Variants in EMCN observed in about 807,000 individuals in gnomAD.
The protein encoded by EMCN is endomucin.
In EMCN, 37 loss-of-function variants were observed where a neutral mutation model predicts 38.4. The observed-to-expected ratio is 0.96, with a 90% CI of 0.74 to 1.27. The LOEUF (loss-of-function observed/expected upper bound fraction) is 1.27, where lower values mean the gene tolerates loss of function less well. Ranked by LOEUF, EMCN falls within the 50% of genes most tolerant of loss-of-function variation. EMCN has a pLI of 0.00. For synonymous variants in EMCN, 95 were observed against 100.8 expected (o/e 0.94, Z 0.35); for missense variants, 318 against 302.8 (o/e 1.05, Z -0.37).
chr4:100,484,135 T>C (rs1375425668), intron 1 of EMCN, among the ~76,000 whole-genome samples: 1 of 152,172 alleles, frequency 6.6e-6, no homozygotes, highest in Non-Finnish European at 1.5e-5. Context: ...AAAATAACTA[T>C]TCTAATTATA....
rs567682288 is a variant in EMCN at position 100,447,717 on chromosome 4, C to G, written c.377-146G>C. 1.6e-5 allele frequency: 10 copies of G among 615,522 alleles called. No individual in the cohort carries two copies. The Admixed American group carries it at 2.1e-4, about 13-fold the overall frequency. 38.1% of individuals were successfully genotyped at this position (615,522 alleles called of 1,614,324 possible). On this transcript the variant is annotated intron_variant, in intron 4 of 11. Coordinates refer to ENST00000296420, the MANE Select transcript of EMCN (RefSeq NM_016242.4). ...TTCAAATCATAAAATCATGATTCTTCATGATTACAAGAAACTTCAGAGAAG... is the reference window on the plus strand; with the variant it reads ...TTCAAATCATAAAATCATGATTCTTGATGATTACAAGAAACTTCAGAGAAG...
At position 100,416,967 on chromosome 4, in the gene EMCN, T is replaced by A. The variant is rs1009494348; in HGVS notation, c.689+150A>T. The A allele has an allele frequency of 1.7e-5, 12 of 717,508 alleles. No individual in the cohort carries two copies. In the Admixed American group the frequency reaches 3.2e-4, roughly 19 times the overall value. The allele number at this position is 717,508 out of a possible 1,614,324, so 44.4% of individuals were successfully genotyped here. A position where few individuals can be genotyped will look rare whatever the true frequency, so the allele number is the denominator to read the frequency against. ...TGATCTTACATTTGGAATTTCTCTG[T>A]TAAATGGAGAGAGCTCTGACAAACA... On this transcript the variant is annotated intron_variant, in intron 9 of 11. Coordinates refer to ENST00000296420, the MANE Select transcript of EMCN (RefSeq NM_016242.4).
intron 1 of EMCN, among the ~76,000 whole-genome samples, chr4:100,508,160 C>T (rs1168110843): frequency 6.6e-6 from 1 of 152,140 alleles, no homozygotes; most frequent in East Asian, 1.9e-4. Context: ...TTAAACCACA[C>T]TCATTTTATA....
At chr4:100,515,859 C>A (rs1044368660) in intron 1 of EMCN, among the ~76,000 whole-genome samples, 29 of 152,022 alleles carry the variant, frequency 1.9e-4, no homozygotes, top group South Asian at 8.3e-4. Context: ...AACAAACAAA[C>A]AAAAAAACAG....
intron 4 of EMCN, among the ~76,000 whole-genome samples, chr4:100,462,888 T>C (rs1728218725): frequency 6.6e-6 from 1 of 152,156 alleles, no homozygotes; most frequent in Non-Finnish European, 1.5e-5. Flanking sequence ...ACAATTTATG[T>C]TTCTGAAGTT....
At chr4:100,449,916 C>A (rs1463311283) in intron 4 of EMCN, among the ~76,000 whole-genome samples, 1 of 151,598 alleles carries the variant, frequency 6.6e-6, no homozygotes, top group Non-Finnish European at 1.5e-5. Context: ...TTCCTTTTTT[C>A]CCTGAAATCA....
chr4:100,455,535 T>TG (rs1727987643), intron 4 of EMCN, among the ~76,000 whole-genome samples: 1 of 22,838 alleles, frequency 4.4e-5, no homozygotes, highest in Non-Finnish European at 7.8e-5. Context: ...CTTCCAGTAC[T>TG]AAAAAGTTGT....
chr4:100,400,066 G>A (rs75588722), intron 11 of EMCN, among the ~76,000 whole-genome samples: 4,057 of 152,152 alleles, frequency 0.027, 192 homozygotes, highest in African/African-American at 0.091. Flanking sequence ...GGCTTCCTGT[G>A]ATCTAGTACC....
At position 100,397,807 on chromosome 4, in the gene EMCN, AC is replaced by A. The variant is rs1726154404; in HGVS notation, c.*605del. On this transcript the variant is annotated 3_prime_UTR_variant, in exon 12 of 12. Coordinates refer to ENST00000296420, the MANE Select transcript of EMCN (RefSeq NM_016242.4). ...GGAAGACAATAACATTGCCATTTTC[AC>A]AGTCATGTTATAGTATTTTTAGAGT... is the stretch of plus-strand genomic sequence containing the variant. 1 of 152,146 alleles carries A rather than the reference AC, an allele frequency of 6.6e-6. No homozygotes were observed. Among genetic ancestry groups the A allele is most frequent in the Non-Finnish European group, 1.5e-5 (1 of 68,010 alleles). The allele number at this position is 152,146 out of a possible 1,614,324, so 9.4% of individuals were successfully genotyped here.
chr4:100,503,360 C>T (rs1354083013), intron 1 of EMCN, among the ~76,000 whole-genome samples: 1 of 151,346 alleles, frequency 6.6e-6, no homozygotes, highest in South Asian at 2.1e-4. Flanking sequence ...AAATTATTGG[C>T]ATAAGGCTTT....
At chr4:100,463,392 G>A (rs968625928) in intron 4 of EMCN, among the ~76,000 whole-genome samples, 8 of 152,062 alleles carry the variant, frequency 5.3e-5, no homozygotes, top group Non-Finnish European at 1.2e-4. Flanking sequence ...AGCTAACTCT[G>A]CTGTTTGTTT....
At chr4:100,418,969 TGTTCTCCATAGTG>T (rs1726813622) in intron 8 of EMCN, among the ~76,000 whole-genome samples, 1 of 152,102 alleles carries the variant, frequency 6.6e-6, no homozygotes, top group Non-Finnish European at 1.5e-5. Flanking sequence ...ACCTCCAAGC[TGTTCTCCATAGTG>T]GTTGTACTAA....
chr4:100,462,455 T>C (rs954339637), intron 4 of EMCN, among the ~76,000 whole-genome samples: 18 of 152,244 alleles, frequency 1.2e-4, no homozygotes, highest in Admixed American at 4.6e-4. Flanking sequence ...GTTTAATAAA[T>C]CACAGTCCGT....
chr4:100,496,347 C>A (rs775941391), intron 1 of EMCN, among the ~76,000 whole-genome samples: 1 of 152,088 alleles, frequency 6.6e-6, no homozygotes, highest in Non-Finnish European at 1.5e-5. Context: ...TAGCAGCCTT[C>A]TAGGGAGAAA....
Position 100,513,532 on chromosome 4 carries a change from A to G in EMCN, c.64+4319T>C, listed in dbSNP as rs149691290. 2.9e-3 allele frequency among the ~76,000 whole-genome samples: 446 copies of G among 152,288 alleles called. 5 individuals are homozygous for G. The highest frequency in any genetic ancestry group is 0.01 in the African/African-American group (428 of 41,574). ...TGAATACTTTTAACTATAGGAATGT[A>G]TCACATTGAGTATTTGATACCCAAA... On this transcript the variant is annotated intron_variant, in intron 1 of 11. Coordinates refer to ENST00000296420, the MANE Select transcript of EMCN (RefSeq NM_016242.4).
chr4:100,442,380 G>A (rs751530999), intron 5 of EMCN, among the ~76,000 whole-genome samples: 1 of 152,156 alleles, frequency 6.6e-6, no homozygotes, highest in Non-Finnish European at 1.5e-5. Context: ...ATCTCTTTGG[G>A]TTGTATATTT....
At chr4:100,478,235 C>G (rs1174567499) in intron 2 of EMCN, among the ~76,000 whole-genome samples, 1 of 152,148 alleles carries the variant, frequency 6.6e-6, no homozygotes. Context: ...TGAGAGCCTG[C>G]CTTTCCTGCT....
At chr4:100,465,955 A>T (rs1370989677) in intron 3 of EMCN, among the ~76,000 whole-genome samples, 2 of 152,176 alleles carry the variant, frequency 1.3e-5, no homozygotes, top group African/African-American at 4.8e-5. Flanking sequence ...AAAGGTAAGG[A>T]TGTGGTAGTA....
chr4:100,405,552 C>T (rs1726369803), intron 11 of EMCN, among the ~76,000 whole-genome samples: 1 of 152,096 alleles, frequency 6.6e-6, no homozygotes, highest in Non-Finnish European at 1.5e-5. Flanking sequence ...ATCAACCTTG[C>T]ATCTCAGGGA....
Sources: gnomAD v4.1 joint callset for allele counts (sites outside exome capture counted in the v4.1 genomes callset) on GRCh38, gnomAD v4.1.1 for gene constraint, MANE v1.5 for transcripts, NCBI Gene and HGNC (gene_info 2026-07-23, HGNC 2026-07-21) for gene names.